MPP7: variants seen among roughly 807,000 people sequenced by gnomAD.
MPP7 encodes the protein MAGUK p55 subfamily member 7.
A neutral mutation model predicts 76.5 loss-of-function variants in MPP7; 60 were observed. The observed-to-expected ratio is 0.78, with a 90% CI of 0.64 to 0.97. The LOEUF (loss-of-function observed/expected upper bound fraction) is 0.97, where lower values mean the gene tolerates loss of function less well. Among genes scored for constraint, MPP7 ranks in the 50% least tolerant of loss-of-function variants. The probability of loss-of-function intolerance (pLI) is 0.00; values close to 1 mark genes in which losing one functional copy is unlikely to be tolerated. For synonymous variants in MPP7, 237 were observed against 244.5 expected (o/e 0.97, Z 0.29); for missense variants, 641 against 694.0 (o/e 0.92, Z 0.86).
chr10:28,086,477 AT>A (rs1588745802), intron 12 of MPP7, among the ~76,000 whole-genome samples: 1 of 152,324 alleles, frequency 6.6e-6, no homozygotes, highest in East Asian at 1.9e-4. Flanking sequence ...AGCCAGATGA[AT>A]TTTAGTGCAA....
intron 11 of MPP7, among the ~76,000 whole-genome samples, chr10:28,101,833 T>C (rs971772878): frequency 3.3e-5 from 5 of 152,118 alleles, no homozygotes; most frequent in African/African-American, 4.8e-5. Flanking sequence ...TTTTTAATGC[T>C]GATGGTTCGA....
intron 2 of MPP7, among the ~76,000 whole-genome samples, chr10:28,322,001 A>G (rs1412065075): frequency 6.8e-6 from 1 of 147,508 alleles, no homozygotes; most frequent in Non-Finnish European, 1.5e-5. Flanking sequence ...TTAGCTGTAC[A>G]GATACTCACA....
intron 2 of MPP7, among the ~76,000 whole-genome samples, chr10:28,217,659 A>G (rs976502340): frequency 2.0e-5 from 3 of 152,154 alleles, no homozygotes; most frequent in African/African-American, 7.2e-5. Context: ...CCTTTATTAT[A>G]GAAATTATCT....
At chr10:28,187,549 C>T (rs1837277946) in intron 3 of MPP7, among the ~76,000 whole-genome samples, 2 of 152,174 alleles carry the variant, frequency 1.3e-5, no homozygotes, top group Admixed American at 1.3e-4. Context: ...CCACCCAAAG[C>T]AAATGATATG....
At chr10:28,074,245 T>C (rs1284408184) in intron 12 of MPP7, among the ~76,000 whole-genome samples, 1 of 152,016 alleles carries the variant, frequency 6.6e-6, no homozygotes, top group African/African-American at 2.4e-5. Flanking sequence ...TTCAAAGTCC[T>C]TCCTACAAAG....
intron 1 of MPP7, among the ~76,000 whole-genome samples, chr10:28,243,427 A>C (rs1323256838): frequency 3.3e-5 from 5 of 151,702 alleles, no homozygotes; most frequent in African/African-American, 1.2e-4. Context: ...ATTTTGTATC[A>C]ACATTGGGAA....
At chr10:28,087,051 G>A (rs1853048647) in intron 12 of MPP7, among the ~76,000 whole-genome samples, 2 of 152,312 alleles carry the variant, frequency 1.3e-5, no homozygotes, top group Admixed American at 1.3e-4. Flanking sequence ...GGGGCCCAAG[G>A]AGAGGTGTTT....
chr10:28,326,929 C>T (rs547613230), intron 2 of MPP7, among the ~76,000 whole-genome samples: 2 of 152,104 alleles, frequency 1.3e-5, no homozygotes, highest in African/African-American at 2.4e-5. Context: ...TTGAAGTGTT[C>T]GTGGCCACTA....
chr10:28,264,781 C>T (rs1180094531), intron 1 of MPP7, among the ~76,000 whole-genome samples: 1 of 151,946 alleles, frequency 6.6e-6, no homozygotes, highest in Non-Finnish European at 1.5e-5. Flanking sequence ...AGAATGATTT[C>T]CAATGCTGGC....
intron 2 of MPP7, among the ~76,000 whole-genome samples, chr10:28,329,039 C>T (rs535423708): frequency 5.0e-4 from 76 of 152,286 alleles, no homozygotes; most frequent in African/African-American, 1.8e-3. Flanking sequence ...TAAAATTGCC[C>T]TGGCTACTTC....
At chr10:28,243,368 G>A (rs990308472) in intron 1 of MPP7, among the ~76,000 whole-genome samples, 13 of 151,542 alleles carry the variant, frequency 8.6e-5, no homozygotes, top group African/African-American at 3.2e-4. Flanking sequence ...AGCCTTTGCT[G>A]AGAAGACCCA....
chr10:28,182,711 A>G (rs910770460), intron 3 of MPP7, among the ~76,000 whole-genome samples: 3 of 152,242 alleles, frequency 2.0e-5, no homozygotes, highest in Non-Finnish European at 4.4e-5. Flanking sequence ...ATAGATAGCA[A>G]TGTAAACAAA....
chr10:28,229,522 T>A (rs1192174843), intron 2 of MPP7, among the ~76,000 whole-genome samples: 1 of 152,168 alleles, frequency 6.6e-6, no homozygotes, highest in Non-Finnish European at 1.5e-5. Flanking sequence ...ATGAAAATGC[T>A]GAGTTGTGAG....
At chr10:28,106,636 G>A (rs938486559) in intron 11 of MPP7, among the ~76,000 whole-genome samples, 12 of 151,974 alleles carry the variant, frequency 7.9e-5, no homozygotes, top group African/African-American at 1.7e-4. Flanking sequence ...CCATTGGCTC[G>A]GTCATCTCTG....
At chr10:28,147,280 C>T (rs1835739309) in intron 5 of MPP7, among the ~76,000 whole-genome samples, 2 of 152,074 alleles carry the variant, frequency 1.3e-5, no homozygotes, top group African/African-American at 4.8e-5. Context: ...TCTGAGCTTC[C>T]CAATAAGAGT....
At chr10:28,292,845 A>G (rs1009753296) in intron 1 of MPP7, among the ~76,000 whole-genome samples, 1 of 152,184 alleles carries the variant, frequency 6.6e-6, no homozygotes, top group Admixed American at 6.5e-5. Context: ...TGAGAGAGAG[A>G]GAATGTGTGT....
chr10:28,139,980 T>C (rs1835460847), intron 5 of MPP7, among the ~76,000 whole-genome samples: 1 of 152,128 alleles, frequency 6.6e-6, no homozygotes, highest in Non-Finnish European at 1.5e-5. Context: ...GAAATTAACA[T>C]CTGTAAATAT....
chr10:28,326,907 T>A (rs959565491), intron 2 of MPP7, among the ~76,000 whole-genome samples: 1 of 152,174 alleles, frequency 6.6e-6, no homozygotes, highest in African/African-American at 2.4e-5. Flanking sequence ...AATGCTTAGA[T>A]GCAAGAAAGA....
At chr10:28,081,262 T>C (rs987077134) in intron 12 of MPP7, among the ~76,000 whole-genome samples, 2 of 152,242 alleles carry the variant, frequency 1.3e-5, no homozygotes, top group Admixed American at 1.3e-4. Context: ...AGTGTTTTAG[T>C]TGCTTTTTAA....
Sources: gnomAD v4.1 joint callset for allele counts (sites outside exome capture counted in the v4.1 genomes callset) on GRCh38, gnomAD v4.1.1 for gene constraint, MANE v1.5 for transcripts, NCBI Gene and HGNC (gene_info 2026-07-23, HGNC 2026-07-21) for gene names.